Variants in R3HCC1L observed in about 807,000 individuals in gnomAD.
R3HCC1L encodes the protein coiled-coil domain-containing protein R3HCC1L.
In R3HCC1L, 51 loss-of-function variants were observed where a neutral mutation model predicts 59.9. That is an observed-to-expected ratio of 0.85 (90% CI 0.68 to 1.07). The LOEUF (loss-of-function observed/expected upper bound fraction) is 1.07. R3HCC1L is among the 50% of genes least tolerant of loss of function. R3HCC1L has a pLI of 0.00. For missense variants in R3HCC1L, 965 were observed against 933.0 expected (o/e 1.03, Z -0.45); for synonymous variants, 322 against 315.2 (o/e 1.02, Z -0.23).
chr10:98,185,297 A>G (rs1021213641), intron 4 of R3HCC1L, among the ~76,000 whole-genome samples: 3 of 152,314 alleles, frequency 2.0e-5, no homozygotes, highest in East Asian at 3.9e-4. Flanking sequence ...AGGGATGAGC[A>G]AGTACCCTTA....
intron 1 of R3HCC1L, among the ~76,000 whole-genome samples, chr10:98,135,285 A>G (rs1224272302): frequency 6.6e-6 from 1 of 152,212 alleles, no homozygotes; most frequent in African/African-American, 2.4e-5. Context: ...TACGGGAAGG[A>G]GCACAGGATT....
intron 4 of R3HCC1L, among the ~76,000 whole-genome samples, chr10:98,164,881 C>T (rs1010691734): frequency 6.6e-6 from 1 of 152,216 alleles, no homozygotes; most frequent in Non-Finnish European, 1.5e-5. Context: ...TCTGCTAATA[C>T]AGCTGTGAAA....
chr10:98,156,962 G>T (rs1846946244), intron 2 of R3HCC1L, among the ~76,000 whole-genome samples: 1 of 152,088 alleles, frequency 6.6e-6, no homozygotes, highest in South Asian at 2.1e-4. Flanking sequence ...ATAATTTTTT[G>T]AGCCTTTCCA....
chr10:98,229,840 A>G (rs962677073), intron 5 of R3HCC1L, among the ~76,000 whole-genome samples: 6 of 152,188 alleles, frequency 3.9e-5, no homozygotes, highest in Non-Finnish European at 5.9e-5. Flanking sequence ...TGAGATAATC[A>G]TGTAGTTTTT....
Position 98,209,148 on chromosome 10 carries a change from T to C in R3HCC1L, c.1034T>C (p.Val345Ala). The C allele has an allele frequency of 6.2e-7, 1 of 1,613,984 alleles. No homozygotes were observed. The change falls in exon 5 of 10, where the codon GTA becomes GCA. Residue 345 changes from valine (V) to alanine (A), a missense_variant. Val to Ala is a moderately conservative substitution (Grantham distance 64, BLOSUM62 0). Transcript: ENST00000298999. ...KNDSTADELH[V>A]KHEPPDTAVL... The stretch of plus-strand genomic sequence containing the variant: ...GACAGCACTGCTGATGAGTTACATG[T>C]AAAGCACGAACCTCCTGATACAGCT...
intron 5 of R3HCC1L, among the ~76,000 whole-genome samples, chr10:98,230,836 G>A (rs1436381378): frequency 6.6e-6 from 1 of 152,102 alleles, no homozygotes; most frequent in East Asian, 1.9e-4. Flanking sequence ...TGCTTCCAGT[G>A]TGAAGTTCAG....
At chr10:98,230,986 T>C in intron 5 of R3HCC1L, 1 of 407,218 alleles carries the variant, frequency 2.5e-6, no homozygotes, top group Non-Finnish European at 4.8e-6. Context: ...TAATTTGTCT[T>C]AACAAATGCC....
At chr10:98,139,917 T>A (rs926640363) in intron 1 of R3HCC1L, among the ~76,000 whole-genome samples, 3 of 151,652 alleles carry the variant, frequency 2.0e-5, no homozygotes, top group African/African-American at 7.3e-5. Context: ...AGAAGCACTG[T>A]TGGAAAACAG....
chr10:98,137,150 G>T (rs182157770), intron 1 of R3HCC1L, among the ~76,000 whole-genome samples: 42 of 152,314 alleles, frequency 2.8e-4, no homozygotes, highest in Non-Finnish European at 4.7e-4. Context: ...GGCTGAGGTT[G>T]CAGTGAGCCG....
Position 98,231,646 on chromosome 10 carries a change from A to T in R3HCC1L, c.1920A>T (p.Glu640Asp), listed in dbSNP as rs768308261. Reference protein sequence around the residue: ...HVIEIYDFPQEFHTEDLLRVF... With the variant: ...HVIEIYDFPQDFHTEDLLRVF... ...TTGAAATTTATGACTTTCCCCAAGA[A>T]TTTCATACTGAAGACCTTCTACGGG... Residue 640 changes from glutamate to aspartate, a missense_variant, in exon 6 of 10, where the codon GAA becomes GAT. Physicochemically the swap from Glu to Asp is conservative, Grantham distance 45 (BLOSUM62 2). Transcript: ENST00000298999. 16 of 1,612,620 alleles carry T rather than the reference A, an allele frequency of 9.9e-6. No individual in the cohort carries two copies. The highest frequency in any genetic ancestry group is 1.3e-5 in the Non-Finnish European group (15 of 1,179,076).
chr10:98,244,264 A>C lies in R3HCC1L; in HGVS notation c.*106A>C. On this transcript the variant is annotated 3_prime_UTR_variant, in exon 10 of 10. Coordinates refer to ENST00000298999, the MANE Select transcript of R3HCC1L (RefSeq NM_001351015.2). ...CTATGTACATGCAGATGTGCATGTT[A>C]AAGAGATAAAGTGATCGAGACAAGG... 2 of 1,070,568 alleles carry C rather than the reference A, an allele frequency of 1.9e-6. No homozygotes were observed. Among genetic ancestry groups the C allele is most frequent in the Non-Finnish European group, 2.8e-6 (2 of 713,640 alleles). 66.3% of individuals were successfully genotyped at this position (1,070,568 alleles called of 1,614,324 possible). A position where few individuals can be genotyped will look rare whatever the true frequency, so the allele number is the denominator to read the frequency against.
Position 98,163,313 on chromosome 10 carries a change from G to C in R3HCC1L, c.-99G>C. 1.1e-6 allele frequency: 1 copy of C among 905,018 alleles called. No individual in the cohort carries two copies. Among genetic ancestry groups the C allele is most frequent in the East Asian group, 3.0e-5 (1 of 33,180 alleles). 56.1% of individuals were successfully genotyped at this position (905,018 alleles called of 1,614,324 possible). Reference sequence around the variant, plus strand: ...TTCAGGTGAGGCTGCTGTCAGAAAGGAACTTTTACACAGTTTGCCTTCAGA... The same window carrying C: ...TTCAGGTGAGGCTGCTGTCAGAAAGCAACTTTTACACAGTTTGCCTTCAGA... On this transcript the variant is annotated 5_prime_UTR_variant, in exon 4 of 10. Transcript: ENST00000298999.
intron 2 of R3HCC1L, among the ~76,000 whole-genome samples, chr10:98,159,926 G>T (rs1011374693): frequency 1.3e-5 from 2 of 152,292 alleles, no homozygotes; most frequent in South Asian, 4.1e-4. Flanking sequence ...TGGGAAATAG[G>T]TATATGTGAG....
chr10:98,140,192 A>C (rs527792967), intron 1 of R3HCC1L, among the ~76,000 whole-genome samples: 1 of 152,146 alleles, frequency 6.6e-6, no homozygotes, highest in Non-Finnish European at 1.5e-5. Flanking sequence ...ACTATTAAAG[A>C]AAGAAGGGAA....
rs562190096 is a variant in R3HCC1L at position 98,211,319 on chromosome 10, C to T, written c.1785+1420C>T. On this transcript the variant is annotated intron_variant, in intron 5 of 9. Transcript: ENST00000298999. ...ACAACTTTTTCAGGGGATTCTGATG[C>T]ACATAAAGCCCGAGAACCACTGCTC... 24 of 1,525,316 alleles carry T rather than the reference C, an allele frequency of 1.6e-5. No individual in the cohort carries two copies. In the African/African-American group the frequency reaches 3.2e-4, roughly 20 times the overall value. 94.5% of individuals were successfully genotyped at this position (1,525,316 alleles called of 1,614,324 possible). A position where few individuals can be genotyped will look rare whatever the true frequency, so the allele number is the denominator to read the frequency against.
At chr10:98,192,750 C>T (rs1000313832) in intron 4 of R3HCC1L, among the ~76,000 whole-genome samples, 2 of 152,000 alleles carry the variant, frequency 1.3e-5, no homozygotes, top group African/African-American at 4.8e-5. Flanking sequence ...TAAACTCTTC[C>T]AAAAAATGGA....
At chr10:98,140,867 AATTAAG>A (rs994958570) in intron 1 of R3HCC1L, among the ~76,000 whole-genome samples, 10 of 152,204 alleles carry the variant, frequency 6.6e-5, no homozygotes. Flanking sequence ...TTTTTAAAAA[AATTAAG>A]ATTAATATTA....
intron 5 of R3HCC1L, among the ~76,000 whole-genome samples, chr10:98,218,273 GT>G (rs1489451987): frequency 6.6e-6 from 1 of 151,740 alleles, no homozygotes; most frequent in Non-Finnish European, 1.5e-5. Flanking sequence ...GTTTATATGG[GT>G]TTTGACCTTC....
chr10:98,209,627 G>T lies in R3HCC1L; in HGVS notation c.1513G>T (p.Val505Leu). ...GACAAAAGTTCTTTCAGACAGTGCC[G>T]TGGGCATTGACCTGGGTAGTACTGG... ...NGTKVLSDSAVGIDLGSTGDT... is the reference protein window; with the variant it reads ...NGTKVLSDSALGIDLGSTGDT... The change falls in exon 5 of 10, where the codon GTG becomes TTG. Residue 505 changes from valine to leucine, a missense_variant. Val to Leu is a conservative substitution (Grantham distance 32). Coordinates refer to ENST00000298999, the MANE Select transcript of R3HCC1L (RefSeq NM_001351015.2). 6.2e-7 allele frequency: 1 copy of T among 1,613,976 alleles called. No individual in the cohort carries two copies. Among genetic ancestry groups the T allele is most frequent in the Admixed American group, 1.7e-5 (1 of 60,002 alleles).
Sources: gnomAD v4.1 joint callset for allele counts (sites outside exome capture counted in the v4.1 genomes callset) on GRCh38, gnomAD v4.1.1 for gene constraint, MANE v1.5 for transcripts, NCBI Gene and HGNC (gene_info 2026-07-23, HGNC 2026-07-21) for gene names.